LOXL2: variants seen among roughly 807,000 people sequenced by gnomAD.
LOXL2 encodes the protein lysyl oxidase like 2.
LOXL2 carries 70 observed loss-of-function variants against 93.0 expected under a neutral mutation model. The observed-to-expected ratio is 0.75, with a 90% CI of 0.62 to 0.92. The LOEUF (loss-of-function observed/expected upper bound fraction) is 0.92. Ranked by LOEUF, LOXL2 falls within the 40% of genes least tolerant of loss-of-function variation. The pLI, the probability that LOXL2 is intolerant of heterozygous loss-of-function variation, is 0.00. For synonymous variants in LOXL2, 438 were observed against 413.2 expected, an observed-to-expected ratio of 1.06 and a Z score of -0.73; for missense variants, 973 against 1,054.9, an observed-to-expected ratio of 0.92 and a Z score of 1.08.
rs72305157 is a variant in LOXL2, at chr8:23,346,171, AAT to A, written c.532-4970_532-4969del. Among the ~76,000 whole-genome samples, 208 of 140,876 alleles carry A rather than the reference AAT, an allele frequency of 1.5e-3. 1 individual carries two copies. The highest frequency in any genetic ancestry group is 4.7e-3 in the African/African-American group (174 of 37,068). 92.4% of individuals were successfully genotyped at this position (140,876 alleles called of 152,430 possible). A position where few individuals can be genotyped will look rare whatever the true frequency, so the allele number is the denominator to read the frequency against. On this transcript the variant is annotated intron_variant, in intron 3 of 13. Coordinates refer to ENST00000389131, the MANE Select transcript of LOXL2 (RefSeq NM_002318.3). ...TAAAATAAAATAAAAAATAAAATAAAATAAATAAAATAATAAAATAAAATAAA... is the reference window on the plus strand; with the variant it reads ...TAAAATAAAATAAAAAATAAAATAAAAAATAAAATAATAAAATAAAATAAA...
chr8:23,372,670 T>G (rs570745636), intron 1 of LOXL2, among the ~76,000 whole-genome samples: 1 of 152,318 alleles, frequency 6.6e-6, no homozygotes, highest in East Asian at 1.9e-4. Flanking sequence ...AGGGACAGTT[T>G]ACGATAATGA....
chr8:23,368,473 G>A (rs772051137), intron 1 of LOXL2, 39 bp from the exon 2 acceptor site: 3 of 785,666 alleles, frequency 3.8e-6, no homozygotes, highest in Non-Finnish European at 4.3e-6. Flanking sequence ...GGGAACGTGG[G>A]GCTACGGAGA....
chr8:23,359,987 C>A, intron 3 of LOXL2, 103 bp downstream of exon 3: 1 of 1,109,514 alleles, frequency 9.0e-7, no homozygotes. Flanking sequence ...AGGTACCCTC[C>A]TTCCTGCTCA....
intron 1 of LOXL2, among the ~76,000 whole-genome samples, chr8:23,376,728 G>C (rs1214719124): frequency 9.2e-5 from 14 of 152,206 alleles, no homozygotes; most frequent in Non-Finnish European, 8.8e-5. Context: ...TATTTGCATA[G>C]AGGTGTTTAT....
In LOXL2 at chr8:23,298,040, T is replaced by G. The variant is rs79301132; in HGVS notation, c.*3A>C. The G allele has an allele frequency of 1.1e-3, 1,740 of 1,613,212 alleles. 18 individuals are homozygous for G. The African/African-American group carries it at 0.019, about 18-fold the overall frequency. Reference sequence around the variant, plus strand: ...AAGACAGGAGTTGACCACGCAGGCTTCTTTACTGCGGGGACAGCTGGTTGT... The same window carrying G: ...AAGACAGGAGTTGACCACGCAGGCTGCTTTACTGCGGGGACAGCTGGTTGT... On this transcript the variant is annotated 3_prime_UTR_variant, in exon 14 of 14. Transcript: ENST00000389131.
intron 4 of LOXL2, among the ~76,000 whole-genome samples, chr8:23,335,074 C>G (rs1259593229): frequency 2.0e-5 from 3 of 152,156 alleles, no homozygotes; most frequent in Non-Finnish European, 4.4e-5. Flanking sequence ...CTCGGCCTCC[C>G]AAAGCGTTGG....
intron 1 of LOXL2, among the ~76,000 whole-genome samples, chr8:23,401,943 C>T (rs1215529218): frequency 6.6e-6 from 1 of 152,238 alleles, no homozygotes; most frequent in Non-Finnish European, 1.5e-5. Context: ...CCTAAGTGAC[C>T]TTAGACTAAG....
At chr8:23,332,831 C>A (rs1473965556) in intron 5 of LOXL2, among the ~76,000 whole-genome samples, 1 of 120,298 alleles carries the variant, frequency 8.3e-6, no homozygotes, top group Non-Finnish European at 1.7e-5. Context: ...TACACACCCA[C>A]ACACTCACCC....
intron 1 of LOXL2, among the ~76,000 whole-genome samples, chr8:23,387,906 G>A (rs546449155): frequency 5.9e-5 from 9 of 152,230 alleles, no homozygotes; most frequent in South Asian, 2.1e-4. Flanking sequence ...CCGAGATCAC[G>A]CCATTGCACT....
chr8:23,366,916 A>G (rs934286365), intron 2 of LOXL2, among the ~76,000 whole-genome samples: 2 of 152,234 alleles, frequency 1.3e-5, no homozygotes, highest in Non-Finnish European at 1.5e-5. Context: ...CAGATGGGGA[A>G]AATGAGGCTG....
intron 1 of LOXL2, among the ~76,000 whole-genome samples, chr8:23,385,563 G>A (rs1309166278): frequency 2.0e-5 from 3 of 152,060 alleles, no homozygotes; most frequent in Admixed American, 6.6e-5. Flanking sequence ...CCCAGCCAAA[G>A]TTGGATGTTT....
In LOXL2 at chr8:23,395,555, G is replaced by A. The variant is rs1014978314; in HGVS notation, c.-84+8399C>T. On this transcript the variant is annotated intron_variant, in intron 1 of 13. Coordinates refer to ENST00000389131, the MANE Select transcript of LOXL2 (RefSeq NM_002318.3). Reference sequence around the variant, plus strand: ...TCCATTGACTTGTACATTTTAATGGGTGAATTGGATGATATGCAAATTATA... The same window carrying A: ...TCCATTGACTTGTACATTTTAATGGATGAATTGGATGATATGCAAATTATA... 2.0e-5 allele frequency among the ~76,000 whole-genome samples: 3 copies of A among 152,196 alleles called. No individual in the cohort carries two copies. The East Asian group carries it at 5.8e-4, about 29-fold the overall frequency.
chr8:23,317,109 G>C lies in LOXL2; in HGVS notation c.1476C>G (p.Thr492=), dbSNP rs1246583344. The C allele has an allele frequency of 3.7e-6, 6 of 1,614,080 alleles. No homozygotes were observed. The highest frequency in any genetic ancestry group is 5.1e-6 in the Non-Finnish European group (6 of 1,179,996). Residue 492 remains threonine, a synonymous_variant, in exon 9 of 14, where the codon ACC becomes ACG. Coordinates refer to ENST00000389131, the MANE Select transcript of LOXL2 (RefSeq NM_002318.3). Reference sequence around the variant, plus strand: ...TGTTGACATCTCCGTGCCAATACCAGGTCTCCTGGAAGAACCAACAAAACA... The same window carrying C: ...TGTTGACATCTCCGTGCCAATACCACGTCTCCTGGAAGAACCAACAAAACA... ...LGFASNAFQE[T]WYWHGDVNSN...
chr8:23,340,144 GCC>G (rs1002123637), intron 4 of LOXL2, among the ~76,000 whole-genome samples: 1 of 152,194 alleles, frequency 6.6e-6, no homozygotes, highest in Non-Finnish European at 1.5e-5. Flanking sequence ...GCCTGGATCT[GCC>G]CCTTCCTGGT....
At chr8:23,344,557 CTGTG>C (rs565361333) in intron 3 of LOXL2, among the ~76,000 whole-genome samples, 3 of 151,714 alleles carry the variant, frequency 2.0e-5, no homozygotes, top group Non-Finnish European at 2.9e-5. Flanking sequence ...GTATATGTCT[CTGTG>C]TGTGTGTCTC....
At chr8:23,380,665 G>A (rs1402056749) in intron 1 of LOXL2, among the ~76,000 whole-genome samples, 1 of 151,844 alleles carries the variant, frequency 6.6e-6, no homozygotes, top group African/African-American at 2.4e-5. Flanking sequence ...GTTCTTTATA[G>A]TGAAAGTTAC....
chr8:23,391,417 T>C (rs536454390), intron 1 of LOXL2, among the ~76,000 whole-genome samples: 2 of 152,272 alleles, frequency 1.3e-5, no homozygotes, highest in Admixed American at 1.3e-4. Context: ...GTATAGTGAC[T>C]GGCTCAGTCA....
At chr8:23,374,708 G>A (rs1804558764) in intron 1 of LOXL2, among the ~76,000 whole-genome samples, 1 of 152,220 alleles carries the variant, frequency 6.6e-6, no homozygotes, top group Non-Finnish European at 1.5e-5. Context: ...CAGTAATGAT[G>A]AGCATTTATT....
At chr8:23,341,306 G>T in intron 3 of LOXL2, 103 bp from the exon 4 acceptor site, 1 of 954,014 alleles carries the variant, frequency 1.0e-6, no homozygotes, top group Admixed American at 1.9e-5. Context: ...CAGGCCTGCC[G>T]CGGGCCTGCC....
Sources: allele counts gnomAD v4.1 joint callset (sites outside exome capture counted in the v4.1 genomes callset), GRCh38; gene constraint gnomAD v4.1.1; transcripts MANE v1.5; gene names NCBI Gene and HGNC (gene_info 2026-07-23, HGNC 2026-07-21).